Variants in DCC observed in about 807,000 individuals in gnomAD.
DCC encodes the protein netrin receptor DCC.
Under a neutral mutation model 172.5 loss-of-function variants are expected in DCC, and 58 were observed. The observed-to-expected ratio is 0.34, with a 90% CI of 0.27 to 0.42. The LOEUF (loss-of-function observed/expected upper bound fraction) is 0.42, where lower values mean the gene tolerates loss of function less well. DCC is among the 10% of genes least tolerant of loss of function. DCC has a pLI of 1.00. For missense variants in DCC, 1,740 were observed against 1,791.0 expected (o/e 0.97, Z 0.51); for synonymous variants, 709 against 644.5 (o/e 1.10, Z -1.52).
At chr18:52,967,724 G>A (rs1427085622) in intron 5 of DCC, among the ~76,000 whole-genome samples, 4 of 152,102 alleles carry the variant, frequency 2.6e-5, no homozygotes, top group Admixed American at 1.3e-4. Context: ...CATTCAATAT[G>A]TTTGCCTCCT....
intron 5 of DCC, among the ~76,000 whole-genome samples, chr18:52,964,867 T>A (rs2040903897): frequency 6.6e-6 from 1 of 152,086 alleles, no homozygotes; most frequent in African/African-American, 2.4e-5. Flanking sequence ...GAAAATCCAT[T>A]TTTTGCTTTT....
At chr18:52,671,664 C>T (rs911412883) in intron 1 of DCC, among the ~76,000 whole-genome samples, 32 of 151,784 alleles carry the variant, frequency 2.1e-4, no homozygotes, top group Admixed American at 6.6e-4. Flanking sequence ...CTCAGCCTCC[C>T]GAGTAGCTGG....
intron 2 of DCC, among the ~76,000 whole-genome samples, chr18:52,803,171 C>G (rs955434916): frequency 6.6e-6 from 1 of 152,252 alleles, no homozygotes; most frequent in East Asian, 1.9e-4. Context: ...AGTGGCACTT[C>G]GTATGGGTCC....
At chr18:53,364,821 C>A (rs1035196127) in intron 15 of DCC, among the ~76,000 whole-genome samples, 1 of 152,068 alleles carries the variant, frequency 6.6e-6, no homozygotes, top group African/African-American at 2.4e-5. Flanking sequence ...GGTGTCCTAA[C>A]CATCCCACAA....
chr18:53,442,153 AT>A (rs902526615), intron 22 of DCC, among the ~76,000 whole-genome samples: 2 of 152,128 alleles, frequency 1.3e-5, no homozygotes, highest in African/African-American at 2.4e-5. Flanking sequence ...TATAATTGTA[AT>A]TTTATACAGG....
intron 1 of DCC, among the ~76,000 whole-genome samples, chr18:52,490,488 CTG>C (rs1568194746): frequency 6.6e-6 from 1 of 152,018 alleles, no homozygotes; most frequent in Non-Finnish European, 1.5e-5. Context: ...GACGGGGAAA[CTG>C]AGACTAAGAC....
chr18:52,780,160 T>C (rs188676378), intron 2 of DCC, among the ~76,000 whole-genome samples: 1 of 152,122 alleles, frequency 6.6e-6, no homozygotes, highest in African/African-American at 2.4e-5. Context: ...TTTGCCTGAC[T>C]CTTTACATAG....
At chr18:53,060,309 C>T (rs1425834106) in intron 5 of DCC, among the ~76,000 whole-genome samples, 1 of 152,092 alleles carries the variant, frequency 6.6e-6, no homozygotes, top group East Asian at 1.9e-4. Flanking sequence ...GTGGCTGAGC[C>T]ACAGTACCTG....
At chr18:53,305,799 G>A in intron 13 of DCC, 80 bp downstream of exon 13, 1 of 1,457,186 alleles carries the variant, frequency 6.9e-7, no homozygotes, top group Non-Finnish European at 9.6e-7. Flanking sequence ...TCACTCCAAA[G>A]GAACATTGAT....
At chr18:52,850,461 A>G (rs1414306403) in intron 2 of DCC, among the ~76,000 whole-genome samples, 1 of 152,062 alleles carries the variant, frequency 6.6e-6, no homozygotes, top group Admixed American at 6.6e-5. Context: ...TCATAGAGGG[A>G]AAAATCCATT....
intron 14 of DCC, among the ~76,000 whole-genome samples, chr18:53,330,337 C>T (rs891947424): frequency 1.7e-4 from 26 of 152,222 alleles, no homozygotes; most frequent in African/African-American, 5.5e-4. Context: ...CCCTATCACC[C>T]TCAACTCCAT....
chr18:53,429,171 T>A (rs1391563207), intron 21 of DCC, among the ~76,000 whole-genome samples: 3 of 134,410 alleles, frequency 2.2e-5, no homozygotes, highest in African/African-American at 5.6e-5. Context: ...ATACTGCTTT[T>A]ACTTGTTGGC....
chr18:52,700,531 C>A (rs2036107402), intron 1 of DCC, among the ~76,000 whole-genome samples: 1 of 152,206 alleles, frequency 6.6e-6, no homozygotes, highest in Non-Finnish European at 1.5e-5. Context: ...CCACAGGCTC[C>A]TTTTCATGAA....
At chr18:52,389,645 A>G (rs1209627611) in intron 1 of DCC, among the ~76,000 whole-genome samples, 1 of 152,088 alleles carries the variant, frequency 6.6e-6, no homozygotes, top group Non-Finnish European at 1.5e-5. Flanking sequence ...CTTATAAAAA[A>G]TTACTTCTAT....
chr18:53,226,948 A>ATATATATTTTTTTTTTTTTTT, intron 12 of DCC, among the ~76,000 whole-genome samples: 2 of 52,950 alleles, frequency 3.8e-5, no homozygotes, highest in African/African-American at 9.4e-5. Flanking sequence ...ATATATATAT[A>ATATATATTTTTTTTTTTTTTT]TTTTTTTTTT....
intron 7 of DCC, among the ~76,000 whole-genome samples, chr18:53,151,345 T>C (rs2043993000): frequency 6.6e-6 from 1 of 152,200 alleles, no homozygotes; most frequent in Non-Finnish European, 1.5e-5. Flanking sequence ...CTCTAACTTT[T>C]CCATAGTCTT....
chr18:52,390,485 A>G (rs561475627), intron 1 of DCC, among the ~76,000 whole-genome samples: 298 of 152,170 alleles, frequency 2.0e-3, no homozygotes, highest in Non-Finnish European at 2.5e-3. Context: ...TACCCTAATA[A>G]ATTTAAAAAT....
intron 1 of DCC, among the ~76,000 whole-genome samples, chr18:52,435,652 C>T (rs1568169283): frequency 6.6e-6 from 1 of 152,174 alleles, no homozygotes; most frequent in Non-Finnish European, 1.5e-5. Context: ...TCCTCCTGGG[C>T]CACCTGTTAG....
chr18:52,340,648 G>A lies in DCC; in HGVS notation c.-140G>A, dbSNP rs1983584675. ...AGGCGCAGGGGAGGTGGAGAAAGAG[G>A]TGGAGGAAGAGGACGAGGAGGAGGA... On this transcript the variant is annotated 5_prime_UTR_variant, in exon 1 of 29. The change creates a new upstream start codon in the 5' untranslated region. Coordinates refer to ENST00000442544, the MANE Select transcript of DCC (RefSeq NM_005215.4). The A allele has an allele frequency of 1.3e-6, 1 of 768,898 alleles. No homozygotes were observed. Among genetic ancestry groups the A allele is most frequent in the African/African-American group, 1.7e-5 (1 of 58,960 alleles). 47.6% of individuals were successfully genotyped at this position (768,898 alleles called of 1,614,324 possible). A position where few individuals can be genotyped will look rare whatever the true frequency, so the allele number is the denominator to read the frequency against.
Sources: allele counts gnomAD v4.1 joint callset (sites outside exome capture counted in the v4.1 genomes callset), GRCh38; gene constraint gnomAD v4.1.1; transcripts MANE v1.5; gene names NCBI Gene and HGNC (gene_info 2026-07-23, HGNC 2026-07-21).